DIP2B: variants seen among roughly 807,000 people sequenced by gnomAD.
DIP2B encodes the protein disco-interacting protein 2 homolog B.
Under a neutral mutation model 198.0 loss-of-function variants are expected in DIP2B, and 76 were observed. The observed-to-expected ratio is 0.38, with a 90% CI of 0.32 to 0.46. The LOEUF (loss-of-function observed/expected upper bound fraction) is 0.46, where lower values mean the gene tolerates loss of function less well. Ranked by LOEUF, DIP2B falls within the 20% of genes least tolerant of loss-of-function variation. DIP2B has a pLI of 0.99. For synonymous variants in DIP2B, 701 were observed against 739.1 expected (o/e 0.95, Z 0.84); for missense variants, 1,559 against 1,978.4 (o/e 0.79, Z 4.02).
intron 2 of DIP2B, among the ~76,000 whole-genome samples, chr12:50,628,245 C>T (rs940709692): frequency 1.6e-4 from 25 of 152,076 alleles, no homozygotes; most frequent in African/African-American, 4.8e-4. Context: ...GTGCTGCACA[C>T]CTGTAATGCC....
intron 1 of DIP2B, among the ~76,000 whole-genome samples, chr12:50,603,204 A>G (rs367767484): frequency 2.0e-5 from 3 of 151,954 alleles, no homozygotes; most frequent in East Asian, 3.9e-4. Context: ...ATATTCACAC[A>G]TAACTATTTT....
intron 1 of DIP2B, among the ~76,000 whole-genome samples, chr12:50,524,584 TTTTAA>T (rs758416588): frequency 8.5e-5 from 13 of 152,224 alleles, no homozygotes; most frequent in Non-Finnish European, 1.6e-4. Flanking sequence ...CTCTTCCTTT[TTTTAA>T]TTTATCTGGT....
intron 1 of DIP2B, among the ~76,000 whole-genome samples, chr12:50,599,958 A>T (rs2139440952): frequency 6.6e-6 from 1 of 152,358 alleles, no homozygotes; most frequent in South Asian, 2.1e-4. Context: ...ATTTATATTC[A>T]CATTCAACTG....
intron 37 of DIP2B, among the ~76,000 whole-genome samples, chr12:50,742,243 TAAA>T (rs922436618): frequency 6.6e-6 from 1 of 150,680 alleles, no homozygotes; most frequent in African/African-American, 2.4e-5. Flanking sequence ...ACAAAAAAAT[TAAA>T]AAAATAGCCA....
At chr12:50,531,181 G>C (rs932996189) in intron 1 of DIP2B, among the ~76,000 whole-genome samples, 15 of 152,208 alleles carry the variant, frequency 9.9e-5, no homozygotes, top group African/African-American at 3.4e-4. Context: ...GAGTAGCTGG[G>C]ACTACAGATG....
chr12:50,563,552 G>A lies in DIP2B; in HGVS notation c.100+58312G>A, dbSNP rs148094795. 4.7e-3 allele frequency among the ~76,000 whole-genome samples: 686 copies of A among 145,858 alleles called. 8 individuals are homozygous for A. Among genetic ancestry groups the A allele is most frequent in the African/African-American group, 0.016 (648 of 39,284 alleles). ...TATTGCTCAGGCTGAGTGAGGCAGT[G>A]TGATTATAGCTCGCTCTAGCCTCCA... On this transcript the variant is annotated intron_variant, in intron 1 of 37. Coordinates refer to ENST00000301180, the MANE Select transcript of DIP2B (RefSeq NM_173602.3).
In DIP2B at chr12:50,685,952, T is replaced by G; in HGVS notation, c.1437T>G (p.Phe479Leu). 6.2e-7 allele frequency: 1 copy of G among 1,611,690 alleles called. No homozygotes were observed. The highest frequency in any genetic ancestry group is 1.1e-5 in the South Asian group (1 of 90,504). ...PKTQNGEIVQ[F>L]KGWPRLKWVV... ...CCCAGAATGGAGAAATTGTACAGTT[T>G]AAAGGTTAGTAACATTGTACCTGAA... is the stretch of plus-strand genomic sequence containing the variant. Residue 479 changes from phenylalanine to leucine, a missense_variant, in exon 11 of 38, where the codon TTT becomes TTG. Coordinates refer to ENST00000301180, the MANE Select transcript of DIP2B (RefSeq NM_173602.3).
At chr12:50,570,522 C>T (rs1958603655) in intron 1 of DIP2B, among the ~76,000 whole-genome samples, 2 of 152,128 alleles carry the variant, frequency 1.3e-5, no homozygotes, top group African/African-American at 4.8e-5. Context: ...ACCAGCCTGA[C>T]CAACATGGTA....
chr12:50,639,084 T>G (rs1321225189), intron 2 of DIP2B, among the ~76,000 whole-genome samples: 1 of 113,640 alleles, frequency 8.8e-6, no homozygotes, highest in Non-Finnish European at 1.7e-5. Context: ...GGAATAAGTC[T>G]CCACAATTTT....
chr12:50,519,750 A>G (rs543516439), intron 1 of DIP2B, among the ~76,000 whole-genome samples: 2 of 151,432 alleles, frequency 1.3e-5, no homozygotes, highest in Non-Finnish European at 2.9e-5. Context: ...AAATTAATGT[A>G]TAAATGAACA....
intron 1 of DIP2B, among the ~76,000 whole-genome samples, chr12:50,553,967 T>C (rs1958447878): frequency 6.6e-6 from 1 of 152,156 alleles, no homozygotes; most frequent in African/African-American, 2.4e-5. Flanking sequence ...TTTCCTTTTT[T>C]CTTAATTTTT....
chr12:50,594,282 A>G (rs921388865), intron 1 of DIP2B, among the ~76,000 whole-genome samples: 8 of 152,068 alleles, frequency 5.3e-5, no homozygotes, highest in Non-Finnish European at 1.0e-4. Context: ...TCAAAGCCCA[A>G]CCAACCCTTC....
intron 1 of DIP2B, among the ~76,000 whole-genome samples, chr12:50,578,532 G>T (rs1388010366): frequency 2.1e-5 from 3 of 140,678 alleles, no homozygotes; most frequent in African/African-American, 8.0e-5. Context: ...TTTTGAGACG[G>T]AGTCTCGCTC....
At chr12:50,506,794 A>G (rs149053954) in intron 1 of DIP2B, among the ~76,000 whole-genome samples, 6 of 152,338 alleles carry the variant, frequency 3.9e-5, no homozygotes, top group African/African-American at 1.2e-4. Flanking sequence ...AAGCATTGAC[A>G]TTAAATCTGT....
At chr12:50,617,530 CA>C (rs929184906) in intron 1 of DIP2B, among the ~76,000 whole-genome samples, 13 of 151,656 alleles carry the variant, frequency 8.6e-5, no homozygotes, top group African/African-American at 2.7e-4. Context: ...TGAAAGGGGT[CA>C]GGGGCAGTGG....
At chr12:50,660,069 T>A (rs1400239542) in intron 3 of DIP2B, 125 bp from the exon 4 acceptor site, 1 of 999,846 alleles carries the variant, frequency 1.0e-6, no homozygotes, top group Non-Finnish European at 1.4e-6. Context: ...TAAATAAAAA[T>A]CATCTGAACG....
intron 1 of DIP2B, among the ~76,000 whole-genome samples, chr12:50,543,483 T>C (rs2139377495): frequency 6.6e-6 from 1 of 151,942 alleles, no homozygotes; most frequent in African/African-American, 2.4e-5. Context: ...GAGAAGGGGT[T>C]TCGTCATGTT....
At chr12:50,729,736 CT>C (rs35318106) in intron 30 of DIP2B, among the ~76,000 whole-genome samples, 41,071 of 140,972 alleles carry the variant, frequency 0.29, 5,883 homozygotes, top group East Asian at 0.41. Flanking sequence ...TTTTCTTTTT[CT>C]TTTTTTTTTT....
At chr12:50,605,472 A>G (rs1438328005) in intron 1 of DIP2B, among the ~76,000 whole-genome samples, 1 of 152,152 alleles carries the variant, frequency 6.6e-6, no homozygotes, top group East Asian at 1.9e-4. Context: ...CTGAGCTGGG[A>G]GGATCACTTG....
Sources: allele counts gnomAD v4.1 joint callset (sites outside exome capture counted in the v4.1 genomes callset), GRCh38; gene constraint gnomAD v4.1.1; transcripts MANE v1.5; gene names NCBI Gene and HGNC (gene_info 2026-07-23, HGNC 2026-07-21).